Variants in SLC30A8 observed in about 807,000 individuals in gnomAD.
The protein encoded by SLC30A8 is solute carrier family 30 member 8, also known as proton-coupled zinc antiporter SLC30A8.
A neutral mutation model predicts 36.9 loss-of-function variants in SLC30A8; 27 were observed. The observed-to-expected ratio is 0.73, with a 90% CI of 0.54 to 1.01. SLC30A8 has a LOEUF of 1.01. SLC30A8 is among the 50% of genes least tolerant of loss of function. SLC30A8 has a pLI of 0.00. For missense variants in SLC30A8, 439 were observed against 452.0 expected, an observed-to-expected ratio of 0.97 and a Z score of 0.26; for synonymous variants, 164 against 172.4, an observed-to-expected ratio of 0.95 and a Z score of 0.38.
intron 1 of SLC30A8, among the ~76,000 whole-genome samples, chr8:117,138,682 G>C (rs1344903830): frequency 1.3e-5 from 2 of 151,978 alleles, no homozygotes; most frequent in East Asian, 1.9e-4. Flanking sequence ...GCAAGGTCCT[G>C]AATATCCCTG....
At chr8:117,163,038 C>G in intron 5 of SLC30A8, among the ~76,000 whole-genome samples, 1 of 152,224 alleles carries the variant, frequency 6.6e-6, no homozygotes, top group East Asian at 1.9e-4. Flanking sequence ...TTCTTCTGCT[C>G]ATTATAATTA....
chr8:117,078,608 T>C (rs556359923), intron 2 of SLC30A8, among the ~76,000 whole-genome samples: 1 of 152,314 alleles, frequency 6.6e-6, no homozygotes, highest in East Asian at 1.9e-4. Context: ...CATAGGACTG[T>C]GGTGAAGATT....
rs1229075804 is a variant in SLC30A8, at chr8:117,148,121, C to CTGTT, written c.271+970_271+973dup. Among the ~76,000 whole-genome samples the CTGTT allele has an allele frequency of 9.2e-5, 14 of 152,046 alleles. No homozygotes were observed. In the East Asian group the frequency reaches 2.5e-3, roughly 27 times the overall value. On this transcript the variant is annotated intron_variant, in intron 2 of 7. Transcript: ENST00000456015. Reference sequence around the variant, plus strand: ...GATGTTTTAAATTTTATATAGGTAACTGTTTTAAACTTTTCATTTTGAGCT... The same window carrying CTGTT: ...GATGTTTTAAATTTTATATAGGTAACTGTTTGTTTTAAACTTTTCATTTTGAGCT...
intron 2 of SLC30A8, among the ~76,000 whole-genome samples, chr8:117,068,837 A>G (rs969938565): frequency 2.6e-5 from 4 of 152,108 alleles, no homozygotes; most frequent in Non-Finnish European, 5.9e-5. Flanking sequence ...TTGGCCTCTG[A>G]AAGTGCTGGG....
At chr8:116,980,379 G>A (rs1815211110) in intron 1 of SLC30A8, among the ~76,000 whole-genome samples, 1 of 152,094 alleles carries the variant, frequency 6.6e-6, no homozygotes, top group Non-Finnish European at 1.5e-5. Context: ...GAAAGGGCAG[G>A]GGGAGAATTT....
At chr8:117,128,520 T>G (rs1042623135) in intron 2 of SLC30A8, 1 of 140,718 alleles carries the variant, frequency 7.1e-6, no homozygotes, top group Non-Finnish European at 1.5e-5. Context: ...TTCAGAATAT[T>G]CTTTTAAAAA....
rs1295887556 is a variant in SLC30A8 at position 117,173,541 on chromosome 8, A to T, written c.*860A>T. The T allele has an allele frequency of 6.6e-6, 1 of 152,190 alleles. No individual in the cohort carries two copies. The highest frequency in any genetic ancestry group is 2.4e-5 in the African/African-American group (1 of 41,462). 9.4% of individuals were successfully genotyped at this position (152,190 alleles called of 1,614,324 possible). A position where few individuals can be genotyped will look rare whatever the true frequency, so the allele number is the denominator to read the frequency against. On this transcript the variant is annotated 3_prime_UTR_variant, in exon 8 of 8. Coordinates refer to ENST00000456015, the MANE Select transcript of SLC30A8 (RefSeq NM_173851.3). ...CCAATTCATTCAGTCCACGAGCATG[A>T]TGTGAGCACTGCTTTGTGCTAGACA...
chr8:117,130,500 A>G (rs998630253), upstream of SLC30A8, among the ~76,000 whole-genome samples: 4 of 151,990 alleles, frequency 2.6e-5, no homozygotes, highest in Admixed American at 1.3e-4. Flanking sequence ...GTGGCATTCC[A>G]GATAATGACA....
At chr8:117,123,635 C>T (rs1326222809) in intron 2 of SLC30A8, among the ~76,000 whole-genome samples, 3 of 151,956 alleles carry the variant, frequency 2.0e-5, no homozygotes, top group Non-Finnish European at 4.4e-5. Flanking sequence ...TTTTTAACAG[C>T]TTTTATGAGG....
chr8:117,120,979 C>A (rs1383618529), intron 2 of SLC30A8, among the ~76,000 whole-genome samples: 1 of 151,686 alleles, frequency 6.6e-6, no homozygotes, highest in Admixed American at 6.6e-5. Context: ...CAAACACACA[C>A]ACAAACAAAA....
intron 2 of SLC30A8, among the ~76,000 whole-genome samples, chr8:117,072,029 C>T (rs1437603020): frequency 1.3e-5 from 2 of 152,114 alleles, no homozygotes; most frequent in Non-Finnish European, 2.9e-5. Flanking sequence ...AGCTTCCTTC[C>T]AATTGGTTTT....
At chr8:117,103,392 T>A (rs1324319421) in intron 2 of SLC30A8, among the ~76,000 whole-genome samples, 1 of 152,158 alleles carries the variant, frequency 6.6e-6, no homozygotes, top group East Asian at 1.9e-4. Flanking sequence ...TTGGCCCACA[T>A]GAGTGGTAGT....
At chr8:117,170,494 C>A (rs56816225) in intron 6 of SLC30A8, among the ~76,000 whole-genome samples, 3 of 152,192 alleles carry the variant, frequency 2.0e-5, no homozygotes, top group East Asian at 1.9e-4. Flanking sequence ...CACTAAATGA[C>A]CTGTTGAGTA....
At chr8:117,011,645 A>T in intron 1 of SLC30A8, among the ~76,000 whole-genome samples, 1 of 152,230 alleles carries the variant, frequency 6.6e-6, no homozygotes, top group South Asian at 2.1e-4. Flanking sequence ...ACTGCCAAAA[A>T]TATAGCATTC....
intron 2 of SLC30A8, among the ~76,000 whole-genome samples, chr8:117,042,459 G>A (rs1817413428): frequency 6.6e-6 from 1 of 152,142 alleles, no homozygotes; most frequent in African/African-American, 2.4e-5. Flanking sequence ...AAATCAGACT[G>A]GATTTTGCAG....
chr8:117,040,050 G>A lies in SLC30A8; in HGVS notation c.-226+792G>A, dbSNP rs1817334727. Among the ~76,000 whole-genome samples the A allele has an allele frequency of 2.6e-5, 4 of 152,164 alleles. No homozygotes were observed. The South Asian group carries it at 8.3e-4, about 32-fold the overall frequency. ...TCTTCCCCCATCTCACGTAGCCTGT[G>A]TATGTACATATGCCTGTGGACATTA... On this transcript the variant is annotated intron_variant, in intron 2 of 10. Coordinates refer to the SLC30A8 transcript ENST00000427715.
intron 1 of SLC30A8, among the ~76,000 whole-genome samples, chr8:117,006,819 G>A (rs1210261725): frequency 5.1e-5 from 6 of 118,364 alleles, no homozygotes. Context: ...ATCTGGCTGT[G>A]TCTCCCAGGT....
intron 2 of SLC30A8, among the ~76,000 whole-genome samples, chr8:117,126,440 C>T (rs1010350625): frequency 5.3e-5 from 8 of 151,772 alleles, no homozygotes; most frequent in African/African-American, 9.7e-5. Flanking sequence ...TTTGATTACC[C>T]GGTTGGTGAA....
intron 2 of SLC30A8, among the ~76,000 whole-genome samples, chr8:117,088,125 G>A (rs1336705901): frequency 1.3e-5 from 2 of 152,046 alleles, no homozygotes; most frequent in Non-Finnish European, 2.9e-5. Flanking sequence ...CAGAGAGAAT[G>A]CATAAGGCAG....
Sources: gnomAD v4.1 joint callset for allele counts (sites outside exome capture counted in the v4.1 genomes callset) on GRCh38, gnomAD v4.1.1 for gene constraint, MANE v1.5 for transcripts, NCBI Gene and HGNC (gene_info 2026-07-23, HGNC 2026-07-21) for gene names.